ESRRG: variants seen among roughly 807,000 people sequenced by gnomAD.
The protein encoded by ESRRG is estrogen-related receptor gamma.
A neutral mutation model predicts 44.0 loss-of-function variants in ESRRG; 13 were observed. The ratio of observed to expected loss-of-function variants is 0.30; its 90% CI spans 0.19 to 0.47. The LOEUF (loss-of-function observed/expected upper bound fraction) is 0.47, where lower values mean the gene tolerates loss of function less well. Ranked by LOEUF, ESRRG falls within the 20% of genes least tolerant of loss-of-function variation. The pLI is 1.00. For synonymous variants in ESRRG, 215 were observed against 214.6 expected (o/e 1.00, Z -0.02); for missense variants, 395 against 580.6 (o/e 0.68, Z 3.29).
chr1:216,806,404 T>C (rs147918947), intron 2 of ESRRG, among the ~76,000 whole-genome samples: 4 of 152,298 alleles, frequency 2.6e-5, no homozygotes, highest in African/African-American at 9.6e-5. Context: ...CATAATTAGC[T>C]TGAGTTTGGG....
At chr1:216,593,118 G>T (rs1857402) in intron 3 of ESRRG, among the ~76,000 whole-genome samples, 1 of 152,174 alleles carries the variant, frequency 6.6e-6, no homozygotes, top group African/African-American at 2.4e-5. Flanking sequence ...AACAGCCACC[G>T]AAATAAGTTG....
chr1:216,575,381 CT>C (rs1194573321), intron 3 of ESRRG, among the ~76,000 whole-genome samples: 2 of 152,050 alleles, frequency 1.3e-5, no homozygotes, highest in Admixed American at 1.3e-4. Context: ...TTTCAACAGT[CT>C]TTAACTCATC....
At chr1:216,980,284 A>C (rs2150379303) in intron 1 of ESRRG, among the ~76,000 whole-genome samples, 1 of 152,196 alleles carries the variant, frequency 6.6e-6, no homozygotes. Flanking sequence ...CTCAAACACA[A>C]TCCTATTGTA....
chr1:216,597,270 C>A (rs2150089369), intron 3 of ESRRG, among the ~76,000 whole-genome samples: 1 of 152,130 alleles, frequency 6.6e-6, no homozygotes, highest in South Asian at 2.1e-4. Context: ...GGCCGGTACA[C>A]AGGAAAATAA....
At chr1:217,094,608 A>G (rs1185372599), upstream of ESRRG, among the ~76,000 whole-genome samples, 3 of 152,248 alleles carry the variant, frequency 2.0e-5, no homozygotes, top group Non-Finnish European at 4.4e-5. Context: ...GATGTGCCTT[A>G]TCTTACATCT....
At chr1:216,833,833 G>C (rs370221551) in intron 2 of ESRRG, among the ~76,000 whole-genome samples, 51 of 152,268 alleles carry the variant, frequency 3.3e-4, no homozygotes, top group African/African-American at 1.2e-3. Flanking sequence ...ACAAGCAAGT[G>C]GCAGTAAAAT....
chr1:216,766,789 A>G lies in ESRRG; in HGVS notation c.-13-89298T>C, dbSNP rs549385172. On this transcript the variant is annotated intron_variant, in intron 2 of 7. Coordinates refer to the ESRRG transcript ENST00000359162. The stretch of plus-strand genomic sequence containing the variant: ...GAGTCTCTTTAGAAGGCTCTACCTT[A>G]TCCATCACTGATCTCAATAATTCTG... Among the ~76,000 whole-genome samples the G allele has an allele frequency of 9.2e-5, 14 of 152,288 alleles. No individual in the cohort carries two copies. The East Asian group carries it at 2.5e-3, about 27-fold the overall frequency.
intron 1 of ESRRG, among the ~76,000 whole-genome samples, chr1:217,022,793 A>C (rs1041140610): frequency 6.6e-6 from 1 of 152,078 alleles, no homozygotes; most frequent in African/African-American, 2.4e-5. Context: ...CATTGTAGGC[A>C]CTCAAGCTGT....
chr1:216,732,839 A>T (rs1173287812), intron 2 of ESRRG, among the ~76,000 whole-genome samples: 128 of 129,432 alleles, frequency 9.9e-4, no homozygotes, highest in African/African-American at 3.5e-3. Context: ...CTCTAAAATT[A>T]AAAAAAAAAA....
intron 1 of ESRRG, among the ~76,000 whole-genome samples, chr1:216,964,603 T>C (rs2069843130): frequency 6.6e-6 from 1 of 152,162 alleles, no homozygotes; most frequent in South Asian, 2.1e-4. Flanking sequence ...AGCGTGAATC[T>C]GTATGTGTCT....
chr1:216,609,367 G>T (rs2060324159), intron 3 of ESRRG, among the ~76,000 whole-genome samples: 1 of 152,136 alleles, frequency 6.6e-6, no homozygotes, highest in African/African-American at 2.4e-5. Context: ...ATCCCTCAAA[G>T]AAGTCAACAC....
chr1:216,985,998 G>C (rs995992652), intron 1 of ESRRG, among the ~76,000 whole-genome samples: 2 of 152,164 alleles, frequency 1.3e-5, no homozygotes, highest in Non-Finnish European at 2.9e-5. Flanking sequence ...CAAAGCTAAA[G>C]GAGTCTAATC....
Position 216,912,211 on chromosome 1 carries a change from G to A in ESRRG, c.-14+27371C>T, listed in dbSNP as rs1278225596. ...GAGAGGAGAGGAGAGGAGAGGAGAG[G>A]AGAGGAGAGGAGAGGAGAGGAGAGG... On this transcript the variant is annotated intron_variant, in intron 2 of 7. Transcript: ENST00000359162. Among the ~76,000 whole-genome samples, 24 of 8,376 alleles carry A rather than the reference G, an allele frequency of 2.9e-3. 1 individual carries two copies. In the Admixed American group the frequency reaches 0.032, roughly 11 times the overall value. The allele number at this position is 8,376 out of a possible 152,430, so 5.5% of individuals were successfully genotyped here.
intron 2 of ESRRG, among the ~76,000 whole-genome samples, chr1:216,807,913 A>AT (rs2094848584): frequency 6.6e-6 from 1 of 152,150 alleles, no homozygotes; most frequent in Non-Finnish European, 1.5e-5. Context: ...AGCCCAATAG[A>AT]GTCATGGGCT....
chr1:216,860,045 C>A (rs1210701607), intron 2 of ESRRG, among the ~76,000 whole-genome samples: 1 of 152,178 alleles, frequency 6.6e-6, no homozygotes, highest in African/African-American at 2.4e-5. Flanking sequence ...GGACAGATCA[C>A]TTGAGGCCAG....
chr1:216,558,760 G>A (rs894615236), intron 5 of ESRRG, among the ~76,000 whole-genome samples: 5 of 151,890 alleles, frequency 3.3e-5, no homozygotes, highest in Admixed American at 6.6e-5. Flanking sequence ...AGAATCATTC[G>A]ACCCTTATTA....
chr1:216,912,140 GAAA>G, intron 2 of ESRRG, among the ~76,000 whole-genome samples: 3 of 27,006 alleles, frequency 1.1e-4, no homozygotes, highest in African/African-American at 4.5e-4. Flanking sequence ...GAAAAGAAAA[GAAA>G]AGAAAAGAAA....
chr1:217,021,181 C>G (rs754362546), intron 1 of ESRRG, among the ~76,000 whole-genome samples: 2 of 152,126 alleles, frequency 1.3e-5, no homozygotes, highest in Non-Finnish European at 2.9e-5. Flanking sequence ...CTGTTCCTCA[C>G]GTTCACAGAC....
chr1:216,599,703 T>C (rs1022258841), intron 3 of ESRRG, among the ~76,000 whole-genome samples: 3 of 152,092 alleles, frequency 2.0e-5, no homozygotes, highest in African/African-American at 2.4e-5. Flanking sequence ...ATTGACCATT[T>C]CCAGTTAACA....
Sources: gnomAD v4.1 joint callset for allele counts (sites outside exome capture counted in the v4.1 genomes callset) on GRCh38, gnomAD v4.1.1 for gene constraint, MANE v1.5 for transcripts, NCBI Gene and HGNC (gene_info 2026-07-23, HGNC 2026-07-21) for gene names.